The following TENM4 variants were observed in gnomAD, a reference collection of about 807,000 sequenced individuals.
TENM4 encodes teneurin-4.
TENM4 carries 82 observed loss-of-function variants against 243.3 expected under a neutral mutation model. The ratio of observed to expected loss-of-function variants is 0.34; its 90% CI spans 0.28 to 0.40. TENM4 has a LOEUF of 0.40. Among genes scored for constraint, TENM4 ranks in the 10% least tolerant of loss-of-function variants. The pLI is 1.00. For missense variants in TENM4, 3,138 were observed against 3,673.3 expected (o/e 0.85, Z 3.77); for synonymous variants, 1,412 against 1,456.3 (o/e 0.97, Z 0.69).
chr11:79,087,319 A>G (rs1860831322), intron 4 of TENM4, among the ~76,000 whole-genome samples: 1 of 152,222 alleles, frequency 6.6e-6, no homozygotes, highest in South Asian at 2.1e-4. Flanking sequence ...GAGACAGACA[A>G]GGAAATGATT....
chr11:78,785,090 T>C (rs1034226640), intron 16 of TENM4, among the ~76,000 whole-genome samples: 3 of 151,184 alleles, frequency 2.0e-5, no homozygotes, highest in African/African-American at 7.3e-5. Flanking sequence ...TAGATAGGTG[T>C]GGGCTTTCTT....
chr11:79,038,366 ACTC>A (rs1859439000), intron 6 of TENM4, among the ~76,000 whole-genome samples: 1 of 152,016 alleles, frequency 6.6e-6, no homozygotes, highest in African/African-American at 2.4e-5. Flanking sequence ...GTCCCTGCAA[ACTC>A]CTCCTCTGGG....
intron 6 of TENM4, among the ~76,000 whole-genome samples, chr11:78,944,875 C>T (rs1856977474): frequency 6.6e-6 from 1 of 152,186 alleles, no homozygotes; most frequent in Admixed American, 6.5e-5. Flanking sequence ...GGTCACTCTG[C>T]CAGTAAGTGG....
In TENM4 at chr11:78,903,510, G is replaced by A; in HGVS notation, c.507C>T (p.Gly169=). ...TCCGGAGCCGCGCGTGGTTCTGCAG[G>A]CCGCCCGGATGATCTAGGGCACAAA... ...HENTETDHPG[G]LQNHARLRTP... is the part of the protein sequence containing the mutation. Residue 169 remains glycine (G), a synonymous_variant, in exon 7 of 34, where the codon GGC becomes GGT. Coordinates refer to ENST00000278550, the MANE Select transcript of TENM4 (RefSeq NM_001098816.3). The A allele has an allele frequency of 6.5e-7, 1 of 1,547,048 alleles. No individual in the cohort carries two copies. The highest frequency in any genetic ancestry group is 8.7e-7 in the Non-Finnish European group (1 of 1,146,630).
chr11:79,056,281 C>T (rs184237895), intron 6 of TENM4, among the ~76,000 whole-genome samples: 4 of 152,264 alleles, frequency 2.6e-5, no homozygotes, highest in East Asian at 1.9e-4. Context: ...AACCCAGTTT[C>T]GGGAATGCAA....
intron 6 of TENM4, among the ~76,000 whole-genome samples, chr11:78,945,762 G>C (rs1028305670): frequency 6.6e-6 from 1 of 152,096 alleles, no homozygotes; most frequent in South Asian, 2.1e-4. Context: ...CCTTTTTGCT[G>C]TTTTATGTTT....
intron 27 of TENM4, among the ~76,000 whole-genome samples, chr11:78,704,040 C>T (rs150970105): frequency 0.099 from 13,681 of 138,810 alleles, 648 homozygotes; most frequent in Middle Eastern, 0.16. Flanking sequence ...TATATACACA[C>T]ACACACACAC....
chr11:79,289,838 T>C (rs1276381371), intron 2 of TENM4, among the ~76,000 whole-genome samples: 4 of 152,260 alleles, frequency 2.6e-5, no homozygotes, highest in African/African-American at 9.6e-5. Context: ...GGGGAATAAT[T>C]TGTAATCCAT....
At chr11:79,115,248 A>C (rs1476547455) in intron 4 of TENM4, among the ~76,000 whole-genome samples, 2 of 152,156 alleles carry the variant, frequency 1.3e-5, no homozygotes, top group Non-Finnish European at 2.9e-5. Flanking sequence ...CCATGCAGAC[A>C]CTTGGTGGGA....
At chr11:79,201,580 A>G (rs1863738308) in intron 3 of TENM4, among the ~76,000 whole-genome samples, 1 of 152,204 alleles carries the variant, frequency 6.6e-6, no homozygotes, top group African/African-American at 2.4e-5. Context: ...ATAAGTCAGA[A>G]GCTCTGTTAG....
chr11:78,988,635 C>T (rs1047740691), intron 6 of TENM4, among the ~76,000 whole-genome samples: 2 of 152,178 alleles, frequency 1.3e-5, no homozygotes, highest in Non-Finnish European at 2.9e-5. Context: ...AATGTGTAGC[C>T]TGGGTTTTAA....
chr11:79,163,301 C>A (rs1369878034), intron 3 of TENM4, among the ~76,000 whole-genome samples: 2 of 152,044 alleles, frequency 1.3e-5, no homozygotes, highest in Non-Finnish European at 2.9e-5. Flanking sequence ...TCATAAAAAT[C>A]CTATGCTGTA....
intron 3 of TENM4, among the ~76,000 whole-genome samples, chr11:79,192,862 C>T (rs75369121): frequency 6.6e-6 from 1 of 152,170 alleles, no homozygotes; most frequent in Admixed American, 6.5e-5. Flanking sequence ...ATTTTCCCTA[C>T]AGGGATTGTG....
In TENM4 at chr11:78,676,316, C is replaced by A. The variant is rs1858474996; in HGVS notation, c.5332G>T (p.Val1778Leu). The A allele has an allele frequency of 1.9e-6, 3 of 1,611,846 alleles. No homozygotes were observed. Among genetic ancestry groups the A allele is most frequent in the East Asian group, 4.5e-5 (2 of 44,822 alleles). Residue 1778 changes from valine (V) to leucine (L), a missense_variant, in exon 30 of 34, where the codon GTG (valine) becomes TTG (leucine). This residue lies in a region of TENM4 where 2,467 missense variants were observed against 3,059.1 expected (regional missense o/e 0.81). Coordinates refer to ENST00000278550, the MANE Select transcript of TENM4 (RefSeq NM_001098816.3). ...AAGTGGGGCTCAGTCTGCAGCGCCACCTCCATGCCGTTGGCCAGCAGCAGC... is the reference window on the plus strand; with the variant it reads ...AAGTGGGGCTCAGTCTGCAGCGCCAACTCCATGCCGTTGGCCAGCAGCAGC... ...LRLLLANGMEVALQTEPHLLA... is the reference protein window; with the variant it reads ...LRLLLANGMELALQTEPHLLA...
At chr11:78,719,968 T>C (rs1308981722) in intron 25 of TENM4, among the ~76,000 whole-genome samples, 2 of 152,220 alleles carry the variant, frequency 1.3e-5, no homozygotes, top group African/African-American at 4.8e-5. Flanking sequence ...ATGTGAAATC[T>C]GTCTTCTTCC....
intron 4 of TENM4, chr11:79,093,844 A>G (rs1861015785): frequency 6.6e-6 from 1 of 152,228 alleles, no homozygotes; most frequent in Admixed American, 6.5e-5. Flanking sequence ...GCCCAAGGCC[A>G]TGTACCTTGA....
At chr11:79,172,967 C>T (rs1394223338) in intron 3 of TENM4, among the ~76,000 whole-genome samples, 2 of 152,138 alleles carry the variant, frequency 1.3e-5, no homozygotes, top group South Asian at 2.1e-4. Context: ...CATACTTGTC[C>T]TTCTTATAAT....
intron 18 of TENM4, among the ~76,000 whole-genome samples, chr11:78,759,702 T>C (rs979376493): frequency 9.8e-5 from 15 of 152,336 alleles, no homozygotes; most frequent in Non-Finnish European, 2.1e-4. Flanking sequence ...AATTGCCACA[T>C]TTATTGAGTG....
chr11:78,874,659 TC>T (rs1859220685), intron 9 of TENM4, among the ~76,000 whole-genome samples: 1 of 152,144 alleles, frequency 6.6e-6, no homozygotes, highest in African/African-American at 2.4e-5. Flanking sequence ...CTACTCCATC[TC>T]CTCTCAAATA....
Sources: allele counts gnomAD v4.1 joint callset (sites outside exome capture counted in the v4.1 genomes callset), GRCh38; gene constraint gnomAD v4.1.1; regional missense constraint gnomAD v4.1.1; transcripts MANE v1.5; gene names NCBI Gene and HGNC (gene_info 2026-07-23, HGNC 2026-07-21).